TBC1D5: variants seen among roughly 807,000 people sequenced by gnomAD.
TBC1D5 encodes the protein TBC1 domain family member 5, also known as TBC1 domain family, member 5.
TBC1D5 carries 75 observed loss-of-function variants against 100.3 expected under a neutral mutation model. That is an observed-to-expected ratio of 0.75 (90% confidence interval 0.62 to 0.91). TBC1D5 has a LOEUF of 0.91. TBC1D5 is among the 40% of genes least tolerant of loss of function. The pLI is 0.00. For synonymous variants in TBC1D5, 323 were observed against 325.6 expected (o/e 0.99, Z 0.09); for missense variants, 910 against 942.4 (o/e 0.97, Z 0.45).
chr3:17,615,990 T>C (rs2062120052), intron 2 of TBC1D5, among the ~76,000 whole-genome samples: 1 of 152,214 alleles, frequency 6.6e-6, no homozygotes, highest in African/African-American at 2.4e-5. Context: ...AGGGTGTCGA[T>C]TTCAGATCTT....
intron 1 of TBC1D5, among the ~76,000 whole-genome samples, chr3:17,721,392 T>A (rs905505332): frequency 2.6e-5 from 4 of 152,068 alleles, no homozygotes; most frequent in African/African-American, 7.2e-5. Context: ...AAAATTCAGG[T>A]TTACCGTAAG....
At chr3:17,371,566 G>T (rs140767531) in intron 13 of TBC1D5, among the ~76,000 whole-genome samples, 1 of 152,246 alleles carries the variant, frequency 6.6e-6, no homozygotes, top group East Asian at 1.9e-4. Context: ...CCAATTTACA[G>T]GGTTGGTATT....
chr3:17,533,743 G>A (rs2096256062), intron 2 of TBC1D5, among the ~76,000 whole-genome samples: 1 of 150,550 alleles, frequency 6.6e-6, no homozygotes, highest in Non-Finnish European at 1.5e-5. Context: ...AATCGTTCTG[G>A]ATTTGGGTTT....
chr3:17,303,831 CTCTT>C (rs951584354), intron 14 of TBC1D5, among the ~76,000 whole-genome samples: 2 of 132,534 alleles, frequency 1.5e-5, no homozygotes, highest in Non-Finnish European at 3.1e-5. Context: ...CACAATCTAC[CTCTT>C]TTTTTTTTTT....
chr3:17,359,321 T>C (rs952365701), intron 13 of TBC1D5, among the ~76,000 whole-genome samples: 1 of 152,146 alleles, frequency 6.6e-6, no homozygotes, highest in Non-Finnish European at 1.5e-5. Context: ...TATGAAAGGT[T>C]CTCTTCACTA....
intron 17 of TBC1D5, among the ~76,000 whole-genome samples, chr3:17,232,979 A>G (rs1429589687): frequency 6.6e-6 from 1 of 152,184 alleles, no homozygotes; most frequent in African/African-American, 2.4e-5. Flanking sequence ...TCTCTATCGC[A>G]TATTTCATCT....
intron 1 of TBC1D5, among the ~76,000 whole-genome samples, chr3:17,710,715 T>A (rs959332716): frequency 6.6e-5 from 10 of 152,166 alleles, no homozygotes; most frequent in African/African-American, 2.4e-4. Context: ...TTATTTATTT[T>A]GAGACAGAGC....
chr3:17,219,937 C>T (rs2074094290), intron 17 of TBC1D5, among the ~76,000 whole-genome samples: 1 of 152,066 alleles, frequency 6.6e-6, no homozygotes, highest in African/African-American at 2.4e-5. Flanking sequence ...CCATGCTACT[C>T]CAAAAGTGCT....
chr3:17,455,336 A>G (rs138423317), intron 3 of TBC1D5, among the ~76,000 whole-genome samples: 2,839 of 142,706 alleles, frequency 0.02, 74 homozygotes, highest in African/African-American at 0.07. Flanking sequence ...GTATATATGT[A>G]TATGTATATA....
At chr3:17,240,352 C>A (rs2076206329) in intron 16 of TBC1D5, among the ~76,000 whole-genome samples, 1 of 152,108 alleles carries the variant, frequency 6.6e-6, no homozygotes. Context: ...CCTTTGGCAT[C>A]AAGTTTCATC....
chr3:17,184,155 A>T lies in TBC1D5; in HGVS notation c.1852+954T>A, dbSNP rs2125490055. Among the ~76,000 whole-genome samples, 2 of 152,350 alleles carry T rather than the reference A, an allele frequency of 1.3e-5. 1 individual carries two copies. Among genetic ancestry groups the T allele is most frequent in the South Asian group, 4.1e-4 (2 of 4,830 alleles). On this transcript the variant is annotated intron_variant, in intron 19 of 21. Transcript: ENST00000253692. ...ATTCATACATGAGTCAGCATAAAGT[A>T]TCTCTAATGTGAGATATAGCACCTT...
intron 1 of TBC1D5, among the ~76,000 whole-genome samples, chr3:17,693,586 G>C (rs941786041): frequency 6.6e-6 from 1 of 152,154 alleles, no homozygotes; most frequent in Admixed American, 6.5e-5. Flanking sequence ...CAGGAAGCTC[G>C]AACTGGGCGG....
chr3:17,313,546 T>A (rs933933796), intron 13 of TBC1D5, among the ~76,000 whole-genome samples: 1 of 152,296 alleles, frequency 6.6e-6, no homozygotes, highest in East Asian at 1.9e-4. Context: ...CTGAAACTCA[T>A]TTAAAAAAAT....
chr3:17,319,011 A>C (rs1000864753), intron 13 of TBC1D5, among the ~76,000 whole-genome samples: 5 of 152,214 alleles, frequency 3.3e-5, no homozygotes, highest in Admixed American at 1.3e-4. Flanking sequence ...AGAACTTACA[A>C]AGAAAAATTA....
chr3:17,306,828 C>A (rs1373427919), intron 14 of TBC1D5, among the ~76,000 whole-genome samples: 1 of 151,972 alleles, frequency 6.6e-6, no homozygotes, highest in Non-Finnish European at 1.5e-5. Context: ...TATTGAATAT[C>A]ATAAAATCCA....
chr3:17,309,268 C>G (rs1163215375), intron 13 of TBC1D5, among the ~76,000 whole-genome samples: 1 of 151,806 alleles, frequency 6.6e-6, no homozygotes, highest in African/African-American at 2.4e-5. Context: ...ACTGTATACT[C>G]ACAAATATGT....
intron 2 of TBC1D5, among the ~76,000 whole-genome samples, chr3:17,570,585 C>T (rs1190883855): frequency 6.6e-6 from 1 of 151,994 alleles, no homozygotes; most frequent in African/African-American, 2.4e-5. Flanking sequence ...TGTATTGTAT[C>T]ACTTACCTAT....
intron 1 of TBC1D5, among the ~76,000 whole-genome samples, chr3:17,709,603 G>A (rs1004223093): frequency 6.6e-6 from 1 of 151,986 alleles, no homozygotes; most frequent in Non-Finnish European, 1.5e-5. Context: ...CTTGTCTAAC[G>A]GCACATTGAA....
At chr3:17,378,169 G>T (rs1050385866) in intron 9 of TBC1D5, among the ~76,000 whole-genome samples, 3 of 151,764 alleles carry the variant, frequency 2.0e-5, no homozygotes, top group African/African-American at 7.2e-5. Context: ...AAAACCAAAA[G>T]TTAAGAAATA....
Sources: gnomAD v4.1 joint callset for allele counts (sites outside exome capture counted in the v4.1 genomes callset) on GRCh38, gnomAD v4.1.1 for gene constraint, MANE v1.5 for transcripts, NCBI Gene and HGNC (gene_info 2026-07-23, HGNC 2026-07-21) for gene names.